GPC6: variants seen among roughly 807,000 people sequenced by gnomAD.
GPC6 encodes the protein glypican-6.
In GPC6, 14 loss-of-function variants were observed where a neutral mutation model predicts 55.2. The observed-to-expected ratio is 0.25, with a 90% CI of 0.17 to 0.40. GPC6 has a LOEUF of 0.40. GPC6 is among the 10% of genes least tolerant of loss of function. GPC6 has a pLI of 1.00. For missense variants in GPC6, 641 were observed against 708.5 expected (o/e 0.90, Z 1.08); for synonymous variants, 278 against 259.6 (o/e 1.07, Z -0.68).
Position 93,975,896 on chromosome 13 carries a change from A to T in GPC6, c.712-51833A>T, listed in dbSNP as rs115935906. ...TAGCCAAAATGCAATTTTTTAAATT[A>T]GTATTTGAAAGGGAAGGCCTCCTGT... On this transcript the variant is annotated intron_variant, in intron 3 of 8. Coordinates refer to ENST00000377047, the MANE Select transcript of GPC6 (RefSeq NM_005708.5). Among the ~76,000 whole-genome samples the T allele has an allele frequency of 3.6e-3, 554 of 152,318 alleles. 5 individuals are homozygous for T. The highest frequency in any genetic ancestry group is 0.013 in the African/African-American group (538 of 41,584).
At chr13:93,720,555 C>T (rs1883419797) in intron 2 of GPC6, among the ~76,000 whole-genome samples, 1 of 151,874 alleles carries the variant, frequency 6.6e-6, no homozygotes, top group Non-Finnish European at 1.5e-5. Context: ...TTTTTCCTGT[C>T]TCTATCTCCT....
intron 4 of GPC6, among the ~76,000 whole-genome samples, chr13:94,275,040 A>G (rs551961094): frequency 3.9e-5 from 6 of 152,298 alleles, no homozygotes; most frequent in African/African-American, 1.4e-4. Context: ...GAAGGTAGCA[A>G]GTTAGTTTTT....
intron 3 of GPC6, among the ~76,000 whole-genome samples, chr13:93,925,384 A>T (rs968267403): frequency 6.6e-5 from 10 of 152,182 alleles, no homozygotes; most frequent in Non-Finnish European, 8.8e-5. Context: ...TATTCTTTTT[A>T]TTCCTGGGAA....
intron 7 of GPC6, among the ~76,000 whole-genome samples, chr13:94,392,489 C>T (rs1334940127): frequency 3.5e-5 from 5 of 142,442 alleles, no homozygotes; most frequent in Non-Finnish European, 7.5e-5. Flanking sequence ...AGTGCAATGG[C>T]CGTGATCTCA....
intron 2 of GPC6, among the ~76,000 whole-genome samples, chr13:93,648,559 T>A (rs1880274564): frequency 6.6e-6 from 1 of 152,206 alleles, no homozygotes; most frequent in Non-Finnish European, 1.5e-5. Flanking sequence ...ACACTGACGA[T>A]CTGACATTGA....
At chr13:94,142,953 CA>C (rs1279737061) in intron 4 of GPC6, among the ~76,000 whole-genome samples, 1 of 151,686 alleles carries the variant, frequency 6.6e-6, no homozygotes, top group Non-Finnish European at 1.5e-5. Flanking sequence ...CTTAGCCTCC[CA>C]AGTAGCTGGG....
chr13:94,099,918 A>T (rs2138824006), intron 4 of GPC6, among the ~76,000 whole-genome samples: 1 of 152,316 alleles, frequency 6.6e-6, no homozygotes, highest in South Asian at 2.1e-4. Flanking sequence ...ACTTCACTTA[A>T]TTCTTAGCCA....
chr13:94,334,538 G>A lies in GPC6; in HGVS notation c.1152+28415G>A, dbSNP rs574662113. On this transcript the variant is annotated intron_variant, in intron 6 of 8. Transcript: ENST00000377047. ...CTGAAACAGTGGCCTTCTCATTATG[G>A]TTCCTGGGACAACAGCATCAGCATT... Among the ~76,000 whole-genome samples, 9 of 152,342 alleles carry A rather than the reference G, an allele frequency of 5.9e-5. No homozygotes were observed. In the South Asian group the frequency reaches 1.9e-3, roughly 32 times the overall value.
At chr13:94,313,564 T>A (rs1159307168) in intron 6 of GPC6, among the ~76,000 whole-genome samples, 1 of 152,228 alleles carries the variant, frequency 6.6e-6, no homozygotes, top group African/African-American at 2.4e-5. Flanking sequence ...TCTGGCTACG[T>A]AACTCCCTGG....
At chr13:94,027,916 C>T in intron 4 of GPC6, 22 bp downstream of exon 4, 1 of 1,608,486 alleles carries the variant, frequency 6.2e-7, no homozygotes, top group Non-Finnish European at 8.5e-7. Flanking sequence ...TTAAATGGAT[C>T]CGAGAACAGA....
intron 2 of GPC6, among the ~76,000 whole-genome samples, chr13:93,578,123 T>C (rs1179770679): frequency 6.6e-6 from 1 of 152,188 alleles, no homozygotes; most frequent in Non-Finnish European, 1.5e-5. Context: ...TGAGGATTTT[T>C]GCTTCTATGT....
chr13:94,081,844 C>CTTTTTTTTTTTTT (rs201141414), intron 4 of GPC6, among the ~76,000 whole-genome samples: 11,897 of 130,728 alleles, frequency 0.091, 908 homozygotes, highest in South Asian at 0.15. Flanking sequence ...TACTACTTTC[C>CTTTTTTTTTTTTT]TTTTTTTTTT....
chr13:93,643,535 T>A (rs1880048897), intron 2 of GPC6, among the ~76,000 whole-genome samples: 1 of 152,078 alleles, frequency 6.6e-6, no homozygotes, highest in Admixed American at 6.6e-5. Flanking sequence ...ATGGGAAGGA[T>A]AAAGGAAAGT....
At chr13:93,435,752 A>G (rs888650029) in intron 1 of GPC6, among the ~76,000 whole-genome samples, 1 of 152,316 alleles carries the variant, frequency 6.6e-6, no homozygotes, top group South Asian at 2.1e-4. Context: ...ATTTGCAACA[A>G]TTAGAAGTAA....
intron 4 of GPC6, among the ~76,000 whole-genome samples, chr13:94,064,518 A>T (rs78048699): frequency 0.034 from 5,248 of 152,216 alleles, 277 homozygotes; most frequent in African/African-American, 0.11. Context: ...CAGTTGCCCA[A>T]TATGTGTCTT....
intron 3 of GPC6, among the ~76,000 whole-genome samples, chr13:93,857,246 A>C (rs949380720): frequency 2.0e-5 from 3 of 151,616 alleles, no homozygotes; most frequent in African/African-American, 7.2e-5. Flanking sequence ...GAAAGTTTTC[A>C]TGTAGAAGGA....
At chr13:93,646,794 A>G (rs950044092) in intron 2 of GPC6, among the ~76,000 whole-genome samples, 2 of 151,910 alleles carry the variant, frequency 1.3e-5, no homozygotes, top group Non-Finnish European at 2.9e-5. Flanking sequence ...GGCATCCTGT[A>G]TCATGATGTC....
At chr13:93,291,041 A>G (rs1428222422) in intron 1 of GPC6, among the ~76,000 whole-genome samples, 2 of 152,194 alleles carry the variant, frequency 1.3e-5, no homozygotes, top group East Asian at 1.9e-4. Flanking sequence ...AGCATCGTCT[A>G]TTAGGAAAAT....
intron 1 of GPC6, among the ~76,000 whole-genome samples, chr13:93,259,462 A>G (rs1354152301): frequency 6.6e-6 from 1 of 152,206 alleles, no homozygotes; most frequent in Non-Finnish European, 1.5e-5. Flanking sequence ...GTATAGTAAT[A>G]TGATCCTCAT....
Sources: allele counts gnomAD v4.1 joint callset (sites outside exome capture counted in the v4.1 genomes callset), GRCh38; gene constraint gnomAD v4.1.1; transcripts MANE v1.5; gene names NCBI Gene and HGNC (gene_info 2026-07-23, HGNC 2026-07-21).